Variants in LARP4B observed in about 807,000 individuals in gnomAD.
LARP4B encodes La ribonucleoprotein 4B.
LARP4B carries 12 observed loss-of-function variants against 89.8 expected under a neutral mutation model. The observed-to-expected ratio is 0.13, with a 90% confidence interval of 0.09 to 0.22. The LOEUF (loss-of-function observed/expected upper bound fraction) is 0.22, where lower values mean the gene tolerates loss of function less well. Ranked by LOEUF, LARP4B falls within the 10% of genes least tolerant of loss-of-function variation. LARP4B has a pLI of 1.00. For synonymous variants in LARP4B, 367 were observed against 363.3 expected (o/e 1.01, Z -0.12); for missense variants, 757 against 947.7 (o/e 0.80, Z 2.64).
At chr10:911,849 G>A (rs969563765) in intron 1 of LARP4B, among the ~76,000 whole-genome samples, 2 of 152,206 alleles carry the variant, frequency 1.3e-5, no homozygotes, top group Non-Finnish European at 2.9e-5. Flanking sequence ...TTTTGTGTGT[G>A]CAATGGCGGA....
At chr10:882,410 C>CA (rs1287859887) in intron 3 of LARP4B, among the ~76,000 whole-genome samples, 1 of 149,498 alleles carries the variant, frequency 6.7e-6, no homozygotes, top group Non-Finnish European at 1.5e-5. Flanking sequence ...TTTTCTGAGA[C>CA]AGAGTTTCAC....
intron 1 of LARP4B, among the ~76,000 whole-genome samples, chr10:917,453 C>A (rs1836852298): frequency 6.6e-6 from 1 of 152,320 alleles, no homozygotes; most frequent in East Asian, 1.9e-4. Flanking sequence ...ACTGGTTATT[C>A]TACCGACACT....
chr10:978,016 C>A, the LARP4B span, among the ~76,000 whole-genome samples: 4 of 152,300 alleles, frequency 2.6e-5, no homozygotes, highest in South Asian at 8.3e-4. Flanking sequence ...TAGGCTATTT[C>A]TATAGAGTTA....
intron 1 of LARP4B, among the ~76,000 whole-genome samples, chr10:886,697 A>G (rs1835867860): frequency 6.6e-6 from 1 of 152,254 alleles, no homozygotes; most frequent in Non-Finnish European, 1.5e-5. Flanking sequence ...TATTATGCCA[A>G]GTGAAACACA....
downstream of LARP4B, chr10:807,911 T>A (rs1454125212): frequency 6.6e-6 from 1 of 152,278 alleles, no homozygotes; most frequent in Non-Finnish European, 1.5e-5. Context: ...GACCAGCAGT[T>A]GACTTGGATC....
intron 5 of LARP4B, among the ~76,000 whole-genome samples, chr10:845,550 G>T (rs901498733): frequency 6.6e-6 from 1 of 152,208 alleles, no homozygotes; most frequent in Non-Finnish European, 1.5e-5. Context: ...AGAGTCGAAG[G>T]AACAAGTGAG....
At chr10:844,870 T>G (rs541074140) in intron 6 of LARP4B, 107 bp downstream of exon 6, 4 of 734,470 alleles carry the variant, frequency 5.4e-6, no homozygotes, top group Non-Finnish European at 8.9e-6. Context: ...TACATATATA[T>G]GGATATGAGT....
the LARP4B span, among the ~76,000 whole-genome samples, chr10:963,049 G>A: frequency 9.2e-5 from 14 of 152,178 alleles, no homozygotes; most frequent in Non-Finnish European, 1.9e-4. Flanking sequence ...ACTAAACTGT[G>A]CAGCAGTAGC....
chr10:857,821 C>G (rs1020591168), intron 5 of LARP4B, among the ~76,000 whole-genome samples: 11 of 152,142 alleles, frequency 7.2e-5, no homozygotes, highest in African/African-American at 2.4e-4. Flanking sequence ...CTATCCTGGA[C>G]TTTATACACC....
intron 7 of LARP4B, among the ~76,000 whole-genome samples, chr10:840,132 G>A (rs1198807030): frequency 1.3e-5 from 2 of 152,086 alleles, no homozygotes; most frequent in Non-Finnish European, 2.9e-5. Flanking sequence ...ACGCTTGGCG[G>A]GGGTGGGCTG....
At chr10:850,383 T>C (rs2131773650) in intron 5 of LARP4B, among the ~76,000 whole-genome samples, 1 of 152,290 alleles carries the variant, frequency 6.6e-6, no homozygotes, top group Middle Eastern at 3.4e-3. Context: ...GTGATTACAT[T>C]AATGTGAGAC....
chr10:916,980 G>C (rs1836838318), intron 1 of LARP4B, among the ~76,000 whole-genome samples: 1 of 152,124 alleles, frequency 6.6e-6, no homozygotes, highest in Admixed American at 6.5e-5. Flanking sequence ...TTATAGCTAT[G>C]AGCCACTGCG....
At position 829,677 on chromosome 10, in the gene LARP4B, T is replaced by A. The variant is rs777745995; in HGVS notation, c.915+4A>T. On this transcript the variant is annotated splice_donor_region_variant and intron_variant, in intron 10 of 17. Coordinates refer to ENST00000316157, the MANE Select transcript of LARP4B (RefSeq NM_015155.3). ...AACAAAGTATAACCAATGGTCTTGC[T>A]TACCTTAATTGGTTTTCCTTGAAAA... 4 of 1,612,740 alleles carry A rather than the reference T, an allele frequency of 2.5e-6. No individual in the cohort carries two copies. The East Asian group carries it at 8.9e-5, about 36-fold the overall frequency.
the LARP4B span, among the ~76,000 whole-genome samples, chr10:965,983 T>C: frequency 6.6e-6 from 1 of 151,968 alleles, no homozygotes; most frequent in Non-Finnish European, 1.5e-5. Flanking sequence ...GAGCATAACG[T>C]TGTTTGAAAA....
chr10:988,327 T>C, the LARP4B span: 2 of 657,458 alleles, frequency 3.0e-6, no homozygotes, highest in East Asian at 2.8e-5. Context: ...GGGTGCGCTG[T>C]GCGACGCGGA....
the LARP4B span, among the ~76,000 whole-genome samples, chr10:951,699 T>G: frequency 5.9e-4 from 90 of 152,330 alleles, no homozygotes; most frequent in Middle Eastern, 0.024. Context: ...GAGCCACAGA[T>G]AGAGCTCCAG....
chr10:929,211 G>A (rs569861006), intron 1 of LARP4B, among the ~76,000 whole-genome samples: 3 of 151,956 alleles, frequency 2.0e-5, no homozygotes, highest in East Asian at 3.9e-4. Context: ...AGATACATGT[G>A]TAAACAAGCC....
At chr10:902,320 G>C (rs1836366452) in intron 1 of LARP4B, among the ~76,000 whole-genome samples, 1 of 152,182 alleles carries the variant, frequency 6.6e-6, no homozygotes, top group Non-Finnish European at 1.5e-5. Context: ...CAAGCCCTAA[G>C]CTGCAGCAGT....
intron 15 of LARP4B, among the ~76,000 whole-genome samples, chr10:816,111 C>G (rs1056295954): frequency 1.3e-5 from 2 of 152,198 alleles, no homozygotes; most frequent in Non-Finnish European, 2.9e-5. Context: ...TGCCTGTAGT[C>G]CCAGCTACTC....
Sources: gnomAD v4.1 joint callset for allele counts (sites outside exome capture counted in the v4.1 genomes callset) on GRCh38, gnomAD v4.1.1 for gene constraint, MANE v1.5 for transcripts, NCBI Gene and HGNC (gene_info 2026-07-23, HGNC 2026-07-21) for gene names.